Variants in CXCL14 observed in about 807,000 individuals in gnomAD.
CXCL14 encodes the protein C-X-C motif chemokine ligand 14, also known as C-X-C motif chemokine 14.
A neutral mutation model predicts 16.1 loss-of-function variants in CXCL14; 9 were observed. The observed-to-expected ratio is 0.56, with a 90% CI of 0.34 to 0.97. The LOEUF (loss-of-function observed/expected upper bound fraction) is 0.97. CXCL14 is among the 50% of genes least tolerant of loss of function. CXCL14 has a pLI of 0.02. For synonymous variants in CXCL14, 55 were observed against 52.8 expected (o/e 1.04, Z -0.18); for missense variants, 111 against 132.5 (o/e 0.84, Z 0.80).
intron 3 of CXCL14, among the ~76,000 whole-genome samples, chr5:135,573,216 T>C (rs1440378816): frequency 1.3e-5 from 2 of 152,218 alleles, no homozygotes; most frequent in Non-Finnish European, 2.9e-5. Flanking sequence ...CTGCCAGTTT[T>C]GATGACACAG....
chr5:135,574,483 G>A lies in CXCL14; in HGVS notation c.284+89C>T. The A allele has an allele frequency of 8.3e-6, 8 of 960,694 alleles. 1 individual carries two copies. 59.5% of individuals were successfully genotyped at this position (960,694 alleles called of 1,614,324 possible). A position where few individuals can be genotyped will look rare whatever the true frequency, so the allele number is the denominator to read the frequency against. On this transcript the variant is annotated intron_variant, in intron 3 of 3. Coordinates refer to ENST00000512158, the MANE Select transcript of CXCL14 (RefSeq NM_004887.5). ...GGTGGGTGTTCACATATTAGATGGG[G>A]CTAGATGACCTGGTGGGGGGGTCCC...
chr5:135,576,387 CAGTT>C (rs1270885575), intron 2 of CXCL14, among the ~76,000 whole-genome samples: 1 of 152,222 alleles, frequency 6.6e-6, no homozygotes, highest in African/African-American at 2.4e-5. Context: ...AACCCTTTCT[CAGTT>C]AGGTCAGTGT....
intron 2 of CXCL14, among the ~76,000 whole-genome samples, chr5:135,575,383 G>A (rs1268191724): frequency 6.6e-6 from 1 of 152,194 alleles, no homozygotes; most frequent in African/African-American, 2.4e-5. Context: ...TAGCCATGTG[G>A]TAGAGAAGCA....
At chr5:135,572,766 C>G (rs1403293623) in intron 3 of CXCL14, among the ~76,000 whole-genome samples, 1 of 152,222 alleles carries the variant, frequency 6.6e-6, no homozygotes, top group Non-Finnish European at 1.5e-5. Context: ...TCTGTGTGGC[C>G]CCCATGGGCC....
intron 3 of CXCL14, among the ~76,000 whole-genome samples, chr5:135,573,255 C>G (rs372663334): frequency 6.6e-6 from 1 of 152,230 alleles, no homozygotes; most frequent in African/African-American, 2.4e-5. Flanking sequence ...GTGTGGACTG[C>G]GCAGTTCTGG....
rs1751167508 is a variant in CXCL14 at position 135,578,916 on chromosome 5, C to T, written c.-138G>A. 3.1e-6 allele frequency: 3 copies of T among 962,332 alleles called. No homozygotes were observed. Among genetic ancestry groups the T allele is most frequent in the East Asian group, 6.2e-5 (2 of 32,512 alleles). The allele number at this position is 962,332 out of a possible 1,614,324, so 59.6% of individuals were successfully genotyped here. On this transcript the variant is annotated 5_prime_UTR_variant, in exon 1 of 4. Transcript: ENST00000512158. ...CGCCTTCCGGCTCTGCTGGCTCCGG[C>T]TGCGCCGTCGGTGGATGCCCAGGGC...
At position 135,578,696 on chromosome 5, in the gene CXCL14, G is replaced by A. The variant is rs1188015566; in HGVS notation, c.64+19C>T. 1 of 1,553,414 alleles carries A rather than the reference G, an allele frequency of 6.4e-7. No individual in the cohort carries two copies. Among genetic ancestry groups the A allele is most frequent in the South Asian group, 1.2e-5 (1 of 84,584 alleles). On this transcript the variant is annotated intron_variant, in intron 1 of 3. Transcript: ENST00000512158. ...CAGGACAAGACGAGACGGCGACAAG[G>A]GGAGCTCCCCGCACTCACCGTCCAC...
Position 135,578,786 on chromosome 5 carries a change from G to A in CXCL14, c.-8C>T, listed in dbSNP as rs1413013921. The A allele has an allele frequency of 6.5e-6, 10 of 1,535,758 alleles. No homozygotes were observed. Among genetic ancestry groups the A allele is most frequent in the Non-Finnish European group, 8.7e-6 (10 of 1,143,136 alleles). ...GGCCGCCAGGAGCCTCATGCTGACC[G>A]GAGGGGCGCGGCGTGGGAGCAGGGA... is the stretch of plus-strand genomic sequence containing the variant. On this transcript the variant is annotated 5_prime_UTR_variant, in exon 1 of 4. Transcript: ENST00000512158.
chr5:135,574,497 T>TG (rs1216455423), intron 3 of CXCL14, 75 bp downstream of exon 3: 50 of 1,168,370 alleles, frequency 4.3e-5, no homozygotes, highest in Admixed American at 1.4e-4. Context: ...GATGACCTGG[T>TG]GGGGGGGTCC....
Position 135,578,813 on chromosome 5 carries a change from A to G in CXCL14, c.-35T>C. On this transcript the variant is annotated 5_prime_UTR_variant, in exon 1 of 4. It removes an upstream start codon present in the reference 5' UTR. Transcript: ENST00000512158. ...AGGGGCGCGGCGTGGGAGCAGGGAC[A>G]TGGGGAGGGCGCTGGCCCGTCGGAG... The G allele has an allele frequency of 6.6e-7, 1 of 1,520,766 alleles. No individual in the cohort carries two copies. The highest frequency in any genetic ancestry group is 8.8e-7 in the Non-Finnish European group (1 of 1,138,408). 94.2% of individuals were successfully genotyped at this position (1,520,766 alleles called of 1,614,324 possible). A position where few individuals can be genotyped will look rare whatever the true frequency, so the allele number is the denominator to read the frequency against.
rs1751027284 is a variant in CXCL14, at chr5:135,571,507, T to C, written c.*346A>G. 1 of 246,216 alleles carries C rather than the reference T, an allele frequency of 4.1e-6. No individual in the cohort carries two copies. The highest frequency in any genetic ancestry group is 8.9e-5 in the South Asian group (1 of 11,176). The allele number at this position is 246,216 out of a possible 1,614,324, so 15.3% of individuals were successfully genotyped here. A position where few individuals can be genotyped will look rare whatever the true frequency, so the allele number is the denominator to read the frequency against. Reference sequence around the variant, plus strand: ...TGTTCCTCCCGGGCGCTTATAAAGCTCAGATGTATAGTGACGTATGGACAA... The same window carrying C: ...TGTTCCTCCCGGGCGCTTATAAAGCCCAGATGTATAGTGACGTATGGACAA... On this transcript the variant is annotated 3_prime_UTR_variant, in exon 4 of 4. Transcript: ENST00000512158.
chr5:135,577,985 T>G (rs1751137200), intron 2 of CXCL14, among the ~76,000 whole-genome samples: 1 of 152,238 alleles, frequency 6.6e-6, no homozygotes, highest in African/African-American at 2.4e-5. Context: ...GGAACAAGGC[T>G]CTGAAGGAGA....
Position 135,571,234 on chromosome 5 carries a change from T to TTAACCA in CXCL14, c.*613_*618dup, listed in dbSNP as rs1228949796. Reference sequence around the variant, plus strand: ...AAATGTTTCCTAGGGTGTGTAAAAATTAACCAGGGGGGAATGAAGCACATT... The same window carrying TTAACCA: ...AAATGTTTCCTAGGGTGTGTAAAAATTAACCATAACCAGGGGGGAATGAAGCACATT... On this transcript the variant is annotated 3_prime_UTR_variant, in exon 4 of 4. Coordinates refer to ENST00000512158, the MANE Select transcript of CXCL14 (RefSeq NM_004887.5). The TTAACCA allele has an allele frequency of 2.6e-5, 4 of 152,264 alleles. No individual in the cohort carries two copies. The highest frequency in any genetic ancestry group is 9.6e-5 in the African/African-American group (4 of 41,454). 9.4% of individuals were successfully genotyped at this position (152,264 alleles called of 1,614,324 possible).
intron 2 of CXCL14, among the ~76,000 whole-genome samples, chr5:135,576,598 C>T (rs1580694512): frequency 6.6e-6 from 1 of 152,302 alleles, no homozygotes; most frequent in South Asian, 2.1e-4. Context: ...ACCCTCTCCT[C>T]CACAGTTCTG....
chr5:135,574,502 G>T, intron 3 of CXCL14, 70 bp downstream of exon 3: 1 of 1,247,340 alleles, frequency 8.0e-7, no homozygotes, highest in Non-Finnish European at 1.2e-6. Flanking sequence ...CCTGGTGGGG[G>T]GGTCCCTTCC....
intron 3 of CXCL14, among the ~76,000 whole-genome samples, chr5:135,573,869 A>G (rs112959009): frequency 5.2e-4 from 79 of 152,282 alleles, no homozygotes; most frequent in African/African-American, 1.8e-3. Flanking sequence ...GAGGACAGAC[A>G]TAAGACCCCA....
In CXCL14 at chr5:135,578,754, G is replaced by A. The variant is rs1561742544; in HGVS notation, c.25C>T (p.Leu9Phe). The change falls in exon 1 of 4, where the codon CTC (leucine) becomes TTC (phenylalanine). Residue 9 changes from leucine (L) to phenylalanine (F), a missense_variant. Leu to Phe is a conservative substitution (Grantham distance 22, BLOSUM62 0). Transcript: ENST00000512158. ...GTGTACAGCGCCAGCAGCAGCAGGAGCAGCGCGGCCGCCAGGAGCCTCATG... is the reference window on the plus strand; with the variant it reads ...GTGTACAGCGCCAGCAGCAGCAGGAACAGCGCGGCCGCCAGGAGCCTCATG... MRLLAAAL[L>F]LLLLALYTAR... The A allele has an allele frequency of 6.5e-7, 1 of 1,546,106 alleles. No individual in the cohort carries two copies. The highest frequency in any genetic ancestry group is 8.7e-7 in the Non-Finnish European group (1 of 1,145,860).
At chr5:135,576,008 C>T (rs557816195) in intron 2 of CXCL14, among the ~76,000 whole-genome samples, 2 of 152,338 alleles carry the variant, frequency 1.3e-5, no homozygotes, top group South Asian at 2.1e-4. Flanking sequence ...ACTTCAGTCT[C>T]CCAGTTGATG....
At position 135,571,722 on chromosome 5, in the gene CXCL14, A is replaced by G; in HGVS notation, c.*131T>C. ...CATAACAATATATAATTTGTGTCTT[A>G]TGCCTGTGAGAAAGAAAGGCTTTTT... On this transcript the variant is annotated 3_prime_UTR_variant, in exon 4 of 4. Transcript: ENST00000512158. 1 of 854,246 alleles carries G rather than the reference A, an allele frequency of 1.2e-6. No homozygotes were observed. 52.9% of individuals were successfully genotyped at this position (854,246 alleles called of 1,614,324 possible).
Sources: gnomAD v4.1 joint callset for allele counts (sites outside exome capture counted in the v4.1 genomes callset) on GRCh38, gnomAD v4.1.1 for gene constraint, MANE v1.5 for transcripts, NCBI Gene and HGNC (gene_info 2026-07-23, HGNC 2026-07-21) for gene names.